CCDC7: variants seen among roughly 807,000 people sequenced by gnomAD.
CCDC7 encodes coiled-coil domain containing 7, also known as coiled-coil domain-containing protein 7.
In CCDC7, 183 loss-of-function variants were observed where a neutral mutation model predicts 196.9. The observed-to-expected ratio is 0.93, with a 90% CI of 0.82 to 1.05. The LOEUF is 1.05. Ranked by LOEUF, CCDC7 falls within the 50% of genes least tolerant of loss-of-function variation. The pLI, the probability that CCDC7 is intolerant of heterozygous loss-of-function variation, is 0.00. For synonymous variants in CCDC7, 525 were observed against 484.6 expected (o/e 1.08, Z -1.10); for missense variants, 1,540 against 1,482.2 (o/e 1.04, Z -0.64).
intron 21 of CCDC7, among the ~76,000 whole-genome samples, chr10:32,678,248 T>C (rs2075332992): frequency 6.6e-6 from 1 of 152,176 alleles, no homozygotes; most frequent in Non-Finnish European, 1.5e-5. Context: ...ATTTGAGCTA[T>C]ATTTTGTTAT....
At chr10:32,810,899 A>T (rs1028958696) in intron 30 of CCDC7, among the ~76,000 whole-genome samples, 1 of 152,154 alleles carries the variant, frequency 6.6e-6, no homozygotes, top group Admixed American at 6.5e-5. Context: ...GAAATTAAGC[A>T]AAGTGCTCAT....
rs745456867 is a variant in CCDC7, at chr10:32,763,058, A to G, written c.2906-15919A>G. 1.4e-4 allele frequency among the ~76,000 whole-genome samples: 22 copies of G among 152,138 alleles called. No individual in the cohort carries two copies. In the South Asian group the frequency reaches 1.7e-3, roughly 11 times the overall value. On this transcript the variant is annotated intron_variant, in intron 28 of 41. Transcript: ENST00000639629. Reference sequence around the variant, plus strand: ...TTTCTGGACAAAGGAAATAATGCAGAAAATGAAAAGAGAGCCAACAGATTC... The same window carrying G: ...TTTCTGGACAAAGGAAATAATGCAGGAAATGAAAAGAGAGCCAACAGATTC...
intron 32 of CCDC7, among the ~76,000 whole-genome samples, chr10:32,825,118 C>T (rs569819960): frequency 1.3e-5 from 2 of 152,260 alleles, no homozygotes; most frequent in African/African-American, 4.8e-5. Context: ...CTTAATTTTT[C>T]GTGTTATACC....
chr10:32,582,557 T>C (rs1469221096), intron 16 of CCDC7, among the ~76,000 whole-genome samples: 1 of 152,108 alleles, frequency 6.6e-6, no homozygotes, highest in Non-Finnish European at 1.5e-5. Flanking sequence ...TGGTAGAGAA[T>C]AAATACCCCT....
At position 32,571,841 on chromosome 10, in the gene CCDC7, G is replaced by GT. The variant is rs2057605211; in HGVS notation, c.1420-17dup. On this transcript the variant is annotated splice_polypyrimidine_tract_variant and intron_variant, in intron 15 of 41. Transcript: ENST00000639629. The stretch of plus-strand genomic sequence containing the variant: ...TGCATACTTGATATTTTTAAATGTA[G>GT]TATTATCTTTATCACAGATCACTGC... The GT allele has an allele frequency of 6.5e-7, 1 of 1,540,944 alleles. No individual in the cohort carries two copies. The highest frequency in any genetic ancestry group is 2.2e-5 in the Admixed American group (1 of 46,484).
intron 18 of CCDC7, among the ~76,000 whole-genome samples, chr10:32,619,166 T>C (rs987402406): frequency 3.9e-5 from 6 of 152,106 alleles, no homozygotes; most frequent in African/African-American, 7.2e-5. Flanking sequence ...ATAAAAAGTA[T>C]ATTTCAAAAT....
At chr10:32,790,869 A>T (rs958800263) in intron 29 of CCDC7, among the ~76,000 whole-genome samples, 1 of 152,192 alleles carries the variant, frequency 6.6e-6, no homozygotes, top group Non-Finnish European at 1.5e-5. Flanking sequence ...TAGTTTTGCA[A>T]GACACTAAGC....
At chr10:32,540,277 C>G (rs182030617) in intron 11 of CCDC7, among the ~76,000 whole-genome samples, 1 of 152,164 alleles carries the variant, frequency 6.6e-6, no homozygotes, top group East Asian at 1.9e-4. Flanking sequence ...TATGTACTGC[C>G]CATCTTTACC....
chr10:32,636,490 G>A (rs1270774238), intron 20 of CCDC7, among the ~76,000 whole-genome samples: 3 of 151,744 alleles, frequency 2.0e-5, no homozygotes, highest in African/African-American at 4.8e-5. Flanking sequence ...TTGGTTTTTT[G>A]TCCTTGCGAT....
intron 18 of CCDC7, among the ~76,000 whole-genome samples, chr10:32,633,696 A>ATGTGTGTGTG (rs1554928040): frequency 1.5e-5 from 2 of 135,158 alleles, no homozygotes; most frequent in East Asian, 2.2e-4. Context: ...ATATATATAT[A>ATGTGTGTGTG]TGTGTGTGTG....
At position 32,507,787 on chromosome 10, in the gene CCDC7, A is replaced by G. The variant is rs115731705; in HGVS notation, c.873-10158A>G. ...TTTGAAGGACAGTAATCATATGATC[A>G]TTTCAATAGATGCAGAAACAGCATT... On this transcript the variant is annotated intron_variant, in intron 9 of 41. Transcript: ENST00000639629. Among the ~76,000 whole-genome samples, 1,310 of 152,300 alleles carry G rather than the reference A, an allele frequency of 8.6e-3. 29 individuals carry two copies. The highest frequency in any genetic ancestry group is 0.029 in the African/African-American group (1,207 of 41,568).
intron 21 of CCDC7, chr10:32,675,579 TTATC>T (rs1324743132): frequency 6.6e-6 from 1 of 152,380 alleles, no homozygotes; most frequent in Non-Finnish European, 1.5e-5. Context: ...TATTTTCTGA[TTATC>T]AATATGTTTA....
At chr10:32,481,922 T>C (rs1195523461) in intron 8 of CCDC7, 1 of 152,192 alleles carries the variant, frequency 6.6e-6, no homozygotes, top group Non-Finnish European at 1.5e-5. Flanking sequence ...TCTTTGTTGC[T>C]TTCAAGATTC....
At chr10:32,837,816 A>C (rs936540159) in intron 33 of CCDC7, among the ~76,000 whole-genome samples, 1 of 151,678 alleles carries the variant, frequency 6.6e-6, no homozygotes, top group Non-Finnish European at 1.5e-5. Flanking sequence ...TCAGCAAACT[A>C]TCACAAGGAC....
intron 29 of CCDC7, among the ~76,000 whole-genome samples, chr10:32,793,909 A>G (rs1016925585): frequency 2.6e-5 from 4 of 152,176 alleles, no homozygotes; most frequent in African/African-American, 9.7e-5. Flanking sequence ...TAGTTTCTAA[A>G]TGTCAGTTAG....
intron 33 of CCDC7, among the ~76,000 whole-genome samples, chr10:32,844,348 A>G (rs576093738): frequency 6.6e-6 from 1 of 152,076 alleles, no homozygotes; most frequent in East Asian, 1.9e-4. Context: ...AGAAGATATG[A>G]AAGTCACATT....
chr10:32,538,272 C>T (rs1032437571), intron 11 of CCDC7, among the ~76,000 whole-genome samples: 5 of 152,096 alleles, frequency 3.3e-5, no homozygotes, highest in Non-Finnish European at 7.4e-5. Flanking sequence ...GGATTGTATT[C>T]CTGATTTGGC....
At chr10:32,457,254 T>G (rs2034560117) in intron 3 of CCDC7, among the ~76,000 whole-genome samples, 1 of 152,178 alleles carries the variant, frequency 6.6e-6, no homozygotes, top group South Asian at 2.1e-4. Flanking sequence ...ATATTTATCT[T>G]TCTGTTCCTG....
intron 9 of CCDC7, chr10:32,514,178 A>G (rs945858366): frequency 3.3e-5 from 5 of 152,214 alleles, no homozygotes; most frequent in Non-Finnish European, 7.3e-5. Context: ...GTATTTCTAT[A>G]CACTAGCTGT....
Sources: gnomAD v4.1 joint callset for allele counts (sites outside exome capture counted in the v4.1 genomes callset) on GRCh38, gnomAD v4.1.1 for gene constraint, MANE v1.5 for transcripts, NCBI Gene and HGNC (gene_info 2026-07-23, HGNC 2026-07-21) for gene names.